The following CTSA variants were observed in gnomAD, a reference collection of about 807,000 sequenced individuals.
The protein encoded by CTSA is lysosomal protective protein.
In CTSA, 42 loss-of-function variants were observed where a neutral mutation model predicts 66.7. That is an observed-to-expected ratio of 0.63 (90% CI 0.49 to 0.81). CTSA has a LOEUF of 0.81. CTSA is among the 40% of genes least tolerant of loss of function. The probability of loss-of-function intolerance (pLI) is 0.00; values close to 1 mark genes in which losing one functional copy is unlikely to be tolerated. For missense variants in CTSA, 525 were observed against 610.9 expected (o/e 0.86, Z 1.48); for synonymous variants, 225 against 248.6 (o/e 0.91, Z 0.89).
intron 12 of CTSA, 127 bp downstream of exon 12, chr20:45,897,167 G>A: frequency 1.2e-6 from 1 of 821,936 alleles, no homozygotes; most frequent in Non-Finnish European, 2.1e-6. Flanking sequence ...CGAAGCCCAG[G>A]GTCCTGTGAT....
At position 45,892,254 on chromosome 20, in the gene CTSA, C is replaced by G; in HGVS notation, c.307-19C>G. The G allele has an allele frequency of 6.2e-7, 1 of 1,613,524 alleles. No individual in the cohort carries two copies. The highest frequency in any genetic ancestry group is 8.5e-7 in the Non-Finnish European group (1 of 1,179,846). On this transcript the variant is annotated intron_variant, in intron 3 of 14. Transcript: ENST00000646241. Reference sequence around the variant, plus strand: ...CAGCTGGCCCTTGGGACTTACTCAGCCATCTCTTTCCTCCTCAGGTCCAGC... The same window carrying G: ...CAGCTGGCCCTTGGGACTTACTCAGGCATCTCTTTCCTCCTCAGGTCCAGC...
At position 45,894,986 on chromosome 20, in the gene CTSA, C is replaced by T; in HGVS notation, c.949-8C>T. 2 of 1,614,154 alleles carry T rather than the reference C, an allele frequency of 1.2e-6. No individual in the cohort carries two copies. The highest frequency in any genetic ancestry group is 1.7e-6 in the Non-Finnish European group (2 of 1,180,004). Reference sequence around the variant, plus strand: ...CAGAGGCCCTGACCCACTGTCTGTGCCTTCCAGGCACTGCTGCGCTCAGGG... The same window carrying T: ...CAGAGGCCCTGACCCACTGTCTGTGTCTTCCAGGCACTGCTGCGCTCAGGG... On this transcript the variant is annotated splice_polypyrimidine_tract_variant and splice_region_variant and intron_variant, in intron 10 of 14. Transcript: ENST00000646241.
rs1987112264 is a variant in CTSA at position 45,894,068 on chromosome 20, C to T, written c.773C>T (p.Thr258Ile). The T allele has an allele frequency of 6.2e-7, 1 of 1,604,814 alleles. No individual in the cohort carries two copies. The highest frequency in any genetic ancestry group is 1.3e-5 in the African/African-American group (1 of 74,866). Residue 258 changes from threonine to isoleucine, a missense_variant, in exon 8 of 15, where the codon ACC becomes ATC. Transcript: ENST00000646241. ...GACAACAAAGACCTGGAATGCGTGA[C>T]CAATGTGAGGTTCTGCCATCACTTT... ...FYDNKDLECV[T>I]NLQEVARIVG...
chr20:45,893,153 T>A, intron 6 of CTSA, 67 bp from the exon 7 acceptor site: 1 of 1,369,304 alleles, frequency 7.3e-7, no homozygotes, highest in Non-Finnish European at 1.0e-6. Context: ...AAGGTCTGGG[T>A]GGTAGGGTGA....
chr20:45,892,609 G>A, intron 5 of CTSA, 116 bp from the exon 6 acceptor site: 1 of 1,502,308 alleles, frequency 6.7e-7, no homozygotes, highest in Non-Finnish European at 9.2e-7. Context: ...GTGGTATGGT[G>A]GCCAGTCACT....
At chr20:45,893,920 A>G (rs541758949) in intron 7 of CTSA, 68 bp from the exon 8 acceptor site, 3 of 957,222 alleles carry the variant, frequency 3.1e-6, no homozygotes, top group African/African-American at 3.2e-5. Context: ...GGTGGGGGGT[A>G]TGCTCGCCTC....
At chr20:45,894,232 C>T in intron 8 of CTSA, 160 bp downstream of exon 8, 1 of 696,152 alleles carries the variant, frequency 1.4e-6, no homozygotes. Flanking sequence ...AGTGTGTATT[C>T]CCACCACCAC....
rs1403203326 is a variant in CTSA, at chr20:45,898,487, C to T, written c.*37C>T. 1.9e-6 allele frequency: 3 copies of T among 1,588,410 alleles called. No individual in the cohort carries two copies. Among genetic ancestry groups the T allele is most frequent in the Non-Finnish European group, 2.6e-6 (3 of 1,157,782 alleles). On this transcript the variant is annotated 3_prime_UTR_variant, in exon 15 of 15. Transcript: ENST00000646241. This position sits in a 1 kb window ranked among gnomAD's most constrained non-coding sequence, Gnocchi z 4.6. ...ACCAGCTCCACGGCCTGATGCAGCC[C>T]CTCCCAGCCTCTCCCGCTAGGAGAG...
chr20:45,892,880 G>A lies in CTSA; in HGVS notation c.600G>A (p.Gln200=), dbSNP rs1397514579. 6.2e-7 allele frequency: 1 copy of A among 1,614,082 alleles called. No homozygotes were observed. The highest frequency in any genetic ancestry group is 8.5e-7 in the Non-Finnish European group (1 of 1,180,030). ...LVMQDPSMNL[Q]GLAVGNGLSS... Reference sequence around the variant, plus strand: ...TGCAGGATCCCAGCATGAACCTTCAGGTGCAGGGTAGCTGCAGGAGGGAAG... The same window carrying A: ...TGCAGGATCCCAGCATGAACCTTCAAGTGCAGGGTAGCTGCAGGAGGGAAG... Residue 200 remains glutamine, a splice_region_variant and synonymous_variant, in exon 6 of 15, where the codon CAG becomes CAA. Coordinates refer to ENST00000646241, the MANE Select transcript of CTSA (RefSeq NM_000308.4).
chr20:45,893,422 G>C, intron 7 of CTSA, 111 bp downstream of exon 7: 1 of 822,066 alleles, frequency 1.2e-6, no homozygotes, highest in Non-Finnish European at 2.1e-6. Flanking sequence ...ATGAGCAGCA[G>C]GTGGGTTGCA....
intron 11 of CTSA, 107 bp from the exon 12 acceptor site, chr20:45,896,858 G>C: frequency 2.2e-6 from 2 of 917,958 alleles, no homozygotes; most frequent in South Asian, 2.6e-5. Context: ...GAACCCAGCT[G>C]TCTGCCTTCT....
In CTSA at chr20:45,896,919, C is replaced by T. The variant is rs199696999; in HGVS notation, c.1089-46C>T. On this transcript the variant is annotated intron_variant, in intron 11 of 14. Coordinates refer to ENST00000646241, the MANE Select transcript of CTSA (RefSeq NM_000308.4). ...AAGGTCTGATCTGTTGACTACTTTT[C>T]GCCCCGACCTGGTCTTCCTGGGGCC... The T allele has an allele frequency of 2.6e-5, 39 of 1,500,830 alleles. No homozygotes were observed. The East Asian group carries it at 2.9e-4, about 11-fold the overall frequency. The allele number at this position is 1,500,830 out of a possible 1,614,324, so 93.0% of individuals were successfully genotyped here.
chr20:45,896,981 C>G lies in CTSA; in HGVS notation c.1105C>G (p.Gln369Glu). 3 of 1,614,038 alleles carry G rather than the reference C, an allele frequency of 1.9e-6. No homozygotes were observed. Among genetic ancestry groups the G allele is most frequent in the South Asian group, 1.1e-5 (1 of 91,076 alleles). The stretch of plus-strand genomic sequence containing the variant: ...TCCCGGCAGCTTTCTGGTAAACTTA[C>G]AGTACCGCCGTCTCTACCGAAGCAT... ...WDMCNFLVNL[Q>E]YRRLYRSMNS... is the part of the protein sequence containing the mutation. The change falls in exon 12 of 15, where the codon CAG (glutamine) becomes GAG (glutamate). Residue 369 changes from glutamine (Q) to glutamate (E), a missense_variant. By Grantham distance (29) the Gln-to-Glu change is conservative. This residue lies in a region of CTSA where 274 missense variants were observed against 321.1 expected (regional missense o/e 0.85). Transcript: ENST00000646241.
At chr20:45,895,555 T>A (rs989016104) in intron 11 of CTSA, among the ~76,000 whole-genome samples, 10 of 152,144 alleles carry the variant, frequency 6.6e-5, no homozygotes, top group Admixed American at 6.6e-4. Flanking sequence ...TCAAGTGATC[T>A]GCCCATTTCA....
chr20:45,893,137 T>C, intron 6 of CTSA, 83 bp from the exon 7 acceptor site: 1 of 1,255,262 alleles, frequency 8.0e-7, no homozygotes. Context: ...AGCTTCCGGA[T>C]TGCTGAAGGT....
In CTSA at chr20:45,894,655, G is replaced by A; in HGVS notation, c.783G>A (p.Gln261=). The change falls in exon 9 of 15, where the codon CAG becomes CAA. Residue 261 remains glutamine, a synonymous_variant. Transcript: ENST00000646241. ...NKDLECVTNL[Q]EVARIVGNSG... is the part of the protein sequence containing the mutation. Reference sequence around the variant, plus strand: ...GGCTTGGTGTATCATTGCAGCTTCAGGAAGTGGCCCGCATCGTGGGCAACT... The same window carrying A: ...GGCTTGGTGTATCATTGCAGCTTCAAGAAGTGGCCCGCATCGTGGGCAACT... 6.2e-7 allele frequency: 1 copy of A among 1,613,954 alleles called. No individual in the cohort carries two copies. The highest frequency in any genetic ancestry group is 8.5e-7 in the Non-Finnish European group (1 of 1,179,866).
rs1364778799 is a variant in CTSA at position 45,891,341 on chromosome 20, C to T, written c.-39C>T. On this transcript the variant is annotated 5_prime_UTR_variant, in exon 1 of 15. Coordinates refer to ENST00000646241, the MANE Select transcript of CTSA (RefSeq NM_000308.4). This position sits in a 1 kb window ranked among gnomAD's most constrained non-coding sequence, Gnocchi z 4.6. ...ACTCGTACACATGACTTCCAGTCCCCGGGCGCCTCCTGGAGAGCAAGGACG... is the reference window on the plus strand; with the variant it reads ...ACTCGTACACATGACTTCCAGTCCCTGGGCGCCTCCTGGAGAGCAAGGACG... The T allele has an allele frequency of 2.5e-6, 4 of 1,569,344 alleles. No individual in the cohort carries two copies. In the Admixed American group the frequency reaches 7.5e-5, roughly 29 times the overall value.
intron 8 of CTSA, 97 bp downstream of exon 8, chr20:45,894,169 C>T (rs1987118054): frequency 2.2e-6 from 2 of 909,736 alleles, no homozygotes; most frequent in South Asian, 2.6e-5. Flanking sequence ...CTCCGTCCCT[C>T]ATTGCTTTCT....
intron 12 of CTSA, chr20:45,897,338 CA>C (rs1477315180): frequency 1.9e-6 from 1 of 518,594 alleles, no homozygotes; most frequent in Non-Finnish European, 3.5e-6. Flanking sequence ...AGACCTTGCA[CA>C]AGGTGATATA....
Sources: allele counts gnomAD v4.1 joint callset (sites outside exome capture counted in the v4.1 genomes callset), GRCh38; gene constraint gnomAD v4.1.1; regional missense constraint gnomAD v4.1.1; non-coding constraint Gnocchi (gnomAD v3.1); transcripts MANE v1.5; gene names NCBI Gene and HGNC (gene_info 2026-07-23, HGNC 2026-07-21).